ADNP: variants seen among roughly 807,000 people sequenced by gnomAD.
The protein encoded by ADNP is activity-dependent neuroprotector homeobox protein.
ADNP carries 4 observed loss-of-function variants against 84.9 expected under a neutral mutation model. The observed-to-expected ratio is 0.05, with a 90% confidence interval of 0.02 to 0.11. ADNP has a LOEUF of 0.11. Ranked by LOEUF, ADNP falls within the 10% of genes least tolerant of loss-of-function variation. The probability of loss-of-function intolerance (pLI) is 1.00; values close to 1 mark genes in which losing one functional copy is unlikely to be tolerated. For synonymous variants in ADNP, 554 were observed against 468.1 expected (o/e 1.18, Z -2.37); for missense variants, 1,132 against 1,326.0 (o/e 0.85, Z 2.27).
rs372001392 is a variant in ADNP, at chr20:50,894,404, T to G, written c.310A>C (p.Arg104=). Residue 104 remains arginine (R), a synonymous_variant, in exon 6 of 6, where the codon AGG becomes CGG. Coordinates refer to ENST00000621696, the MANE Select transcript of ADNP (RefSeq NM_001282531.3). ...CAGTAGGGGCAATTAAGGAGAATCCTATTTTCAAAGTCTTCACTATGGACA... is the reference window on the plus strand; with the variant it reads ...CAGTAGGGGCAATTAAGGAGAATCCGATTTTCAAAGTCTTCACTATGGACA... ...RNVHSEDFEN[R]ILLNCPYCTF... is the part of the protein sequence containing the mutation. 58 of 1,614,086 alleles carry G rather than the reference T, an allele frequency of 3.6e-5. No individual in the cohort carries two copies. The highest frequency in any genetic ancestry group is 4.7e-5 in the Non-Finnish European group (56 of 1,180,046).
At chr20:50,929,032 A>G (rs2123023011) in intron 1 of ADNP, among the ~76,000 whole-genome samples, 1 of 152,376 alleles carries the variant, frequency 6.6e-6, no homozygotes, top group South Asian at 2.1e-4. Flanking sequence ...CATGGGCTTG[A>G]TGTTTACCAA....
rs1983339619 is a variant in ADNP at position 50,914,420 on chromosome 20, C to T, written c.-89-9571G>A. ...GTTAAACAGCTTGGATTTCTTCTTA[C>T]TTTCTATGTTGTGATGCTGTCCCCA... On this transcript the variant is annotated intron_variant, in intron 2 of 5. Transcript: ENST00000621696. 5 of 504,572 alleles carry T rather than the reference C, an allele frequency of 9.9e-6. No homozygotes were observed. The East Asian group carries it at 1.9e-4, about 19-fold the overall frequency. The allele number at this position is 504,572 out of a possible 1,614,324, so 31.3% of individuals were successfully genotyped here.
intron 2 of ADNP, among the ~76,000 whole-genome samples, chr20:50,916,310 C>A (rs1414236107): frequency 6.6e-6 from 1 of 152,178 alleles, no homozygotes; most frequent in Non-Finnish European, 1.5e-5. Flanking sequence ...AGAGGGCGCA[C>A]AAAATCCCAT....
chr20:50,912,341 G>A (rs539465276), intron 2 of ADNP, among the ~76,000 whole-genome samples: 1 of 152,140 alleles, frequency 6.6e-6, no homozygotes, highest in South Asian at 2.1e-4. Context: ...GCAGAGATGG[G>A]GTTTCAGCAT....
intron 2 of ADNP, among the ~76,000 whole-genome samples, chr20:50,919,269 G>GA (rs1983747363): frequency 8.1e-6 from 1 of 123,636 alleles, no homozygotes; most frequent in African/African-American, 4.0e-5. Flanking sequence ...AGACCAGCCT[G>GA]AAAAAATACA....
intron 2 of ADNP, among the ~76,000 whole-genome samples, chr20:50,916,097 ATTAT>A (rs1983488115): frequency 1.3e-5 from 2 of 152,226 alleles, no homozygotes; most frequent in Admixed American, 1.3e-4. Context: ...ACTGTTATCA[ATTAT>A]TTATATTTTT....
chr20:50,925,430 T>C (rs1280230633), intron 2 of ADNP, among the ~76,000 whole-genome samples: 1 of 152,126 alleles, frequency 6.6e-6, no homozygotes, highest in Non-Finnish European at 1.5e-5. Flanking sequence ...AGGTAGGTCA[T>C]AACATAACGC....
rs772948560 is a variant in ADNP, at chr20:50,893,793, G to T, written c.921C>A (p.Leu307=). 3.1e-6 allele frequency: 5 copies of T among 1,614,062 alleles called. No homozygotes were observed. Among genetic ancestry groups the T allele is most frequent in the Non-Finnish European group, 4.2e-6 (5 of 1,180,052 alleles). ...SLPSQQMVNR[L]SIPKPNLNST... ...AATTTAAGTTAGGCTTTGGTATTGA[G>T]AGTCGATTCACCATCTGCTGTGATG... is the stretch of plus-strand genomic sequence containing the variant. Residue 307 remains leucine (L), a synonymous_variant, in exon 6 of 6, where the codon CTC becomes CTA. Transcript: ENST00000621696. This position sits in a 1 kb window ranked among gnomAD's most constrained non-coding sequence, Gnocchi z 4.4.
intron 2 of ADNP, among the ~76,000 whole-genome samples, chr20:50,915,253 C>T (rs1983420610): frequency 6.6e-6 from 1 of 152,144 alleles, no homozygotes; most frequent in African/African-American, 2.4e-5. Context: ...GAGTCAAAAA[C>T]TGTGGTCACG....
intron 2 of ADNP, among the ~76,000 whole-genome samples, chr20:50,926,037 T>A (rs1243144507): frequency 6.6e-6 from 1 of 152,156 alleles, no homozygotes; most frequent in Non-Finnish European, 1.5e-5. Flanking sequence ...GAAGCAGAGG[T>A]TGCAGTGAGC....
At chr20:50,902,441 C>T (rs6126122) in intron 4 of ADNP, among the ~76,000 whole-genome samples, 7,005 of 152,094 alleles carry the variant, frequency 0.046, 268 homozygotes, top group East Asian at 0.22. Flanking sequence ...AGTTACAGTA[C>T]TGGAATGGTG....
At chr20:50,910,595 T>TA (rs1308344681) in intron 2 of ADNP, among the ~76,000 whole-genome samples, 1 of 152,178 alleles carries the variant, frequency 6.6e-6, no homozygotes, top group East Asian at 1.9e-4. Context: ...TCTAAATAAA[T>TA]AGAGAGTAAC....
chr20:50,914,208 C>T, intron 2 of ADNP: 1 of 764,324 alleles, frequency 1.3e-6, no homozygotes, highest in Admixed American at 2.0e-5. Context: ...TTCTGTACTA[C>T]AAAGCATCCA....
At chr20:50,914,153 A>G in intron 2 of ADNP, 1 of 773,280 alleles carries the variant, frequency 1.3e-6, no homozygotes, top group Admixed American at 2.0e-5. Flanking sequence ...GCTACAGCAA[A>G]GCACCAGGCC....
At chr20:50,928,871 C>T (rs1231930967) in intron 1 of ADNP, 46 bp from the exon 2 acceptor site, 1 of 152,120 alleles carries the variant, frequency 6.6e-6, no homozygotes, top group African/African-American at 2.4e-5. Flanking sequence ...ATCAACACAC[C>T]CTAAGAAGGT....
intron 5 of ADNP, 51 bp downstream of exon 5, chr20:50,901,966 G>T: frequency 7.4e-7 from 1 of 1,345,532 alleles, no homozygotes; most frequent in South Asian, 1.2e-5. Flanking sequence ...GAGCTGAAAA[G>T]GGAGTATACC....
At position 50,893,337 on chromosome 20, in the gene ADNP, A is replaced by G. The variant is rs149976600; in HGVS notation, c.1377T>C (p.Asn459=). 60 of 1,614,140 alleles carry G rather than the reference A, an allele frequency of 3.7e-5. No individual in the cohort carries two copies. In the African/African-American group the frequency reaches 7.3e-4, roughly 20 times the overall value. ...CTTTTTCGAAGTGCACACTATAGAC[A>G]TTTTCAGGAAAAAGCTCATTACAGA... ...CTICNELFPE[N]VYSVHFEKEH... is the part of the protein sequence containing the mutation. The change falls in exon 6 of 6, where the codon AAT becomes AAC. Residue 459 remains asparagine (N), a synonymous_variant. Coordinates refer to ENST00000621696, the MANE Select transcript of ADNP (RefSeq NM_001282531.3). The surrounding 1 kb of genome is among the most constrained non-coding windows in gnomAD (Gnocchi z 4.4).
rs1361753057 is a variant in ADNP, at chr20:50,890,891, G to A, written c.*514C>T. 2 of 976,554 alleles carry A rather than the reference G, an allele frequency of 2.0e-6. No individual in the cohort carries two copies. Among genetic ancestry groups the A allele is most frequent in the Non-Finnish European group, 2.4e-6 (2 of 821,818 alleles). 60.5% of individuals were successfully genotyped at this position (976,554 alleles called of 1,614,324 possible). ...AACACTAAAAAAAGAAATCTATGAT[G>A]GGCACACAGTAACAGGATCATGAGC... On this transcript the variant is annotated 3_prime_UTR_variant, in exon 6 of 6. Transcript: ENST00000621696.
chr20:50,913,449 A>C (rs1206875448), intron 2 of ADNP, among the ~76,000 whole-genome samples: 1 of 152,130 alleles, frequency 6.6e-6, no homozygotes, highest in Admixed American at 6.5e-5. Context: ...AAGAATTTTT[A>C]TATATCTCTT....
Sources: allele counts gnomAD v4.1 joint callset (sites outside exome capture counted in the v4.1 genomes callset), GRCh38; gene constraint gnomAD v4.1.1; non-coding constraint Gnocchi (gnomAD v3.1); transcripts MANE v1.5; gene names NCBI Gene and HGNC (gene_info 2026-07-23, HGNC 2026-07-21).